The following PARD3B variants were observed in gnomAD, a reference collection of about 807,000 sequenced individuals.
The protein encoded by PARD3B is partitioning defective 3 homolog B.
PARD3B carries 103 observed loss-of-function variants against 130.2 expected under a neutral mutation model. The ratio of observed to expected loss-of-function variants is 0.79; its 90% CI spans 0.67 to 0.93. The LOEUF is 0.93. Among genes scored for constraint, PARD3B ranks in the 40% least tolerant of loss-of-function variants. The pLI is 0.00. For synonymous variants in PARD3B, 583 were observed against 553.2 expected (o/e 1.05, Z -0.76); for missense variants, 1,609 against 1,499.2 (o/e 1.07, Z -1.21).
At chr2:204,721,455 G>A (rs2038994044) in intron 2 of PARD3B, among the ~76,000 whole-genome samples, 1 of 152,088 alleles carries the variant, frequency 6.6e-6, no homozygotes, top group Non-Finnish European at 1.5e-5. Context: ...TGCCATGTAG[G>A]AAAGTGGACT....
intron 2 of PARD3B, among the ~76,000 whole-genome samples, chr2:204,851,882 G>A (rs1362063403): frequency 2.0e-5 from 3 of 151,912 alleles, no homozygotes; most frequent in Admixed American, 6.6e-5. Context: ...TAGTAGAGAC[G>A]GGGTTTCACC....
chr2:204,940,047 T>A lies in PARD3B; in HGVS notation c.223-25105T>A, dbSNP rs143582000. 3.0e-3 allele frequency among the ~76,000 whole-genome samples: 461 copies of A among 152,352 alleles called. 4 individuals carry two copies. The highest frequency in any genetic ancestry group is 0.01 in the African/African-American group (429 of 41,598). ...AAGATAAGCATTGCTTTCACAATGA[T>A]CCTTTTGGAAAAATATTCATAAGAG... is the stretch of plus-strand genomic sequence containing the variant. On this transcript the variant is annotated intron_variant, in intron 2 of 22. Transcript: ENST00000406610.
intron 18 of PARD3B, among the ~76,000 whole-genome samples, chr2:205,361,475 C>A (rs115427687): frequency 2.8e-3 from 424 of 152,292 alleles, no homozygotes; most frequent in African/African-American, 9.9e-3. Context: ...CTAACCCCAC[C>A]CTTTTATAGC....
intron 19 of PARD3B, among the ~76,000 whole-genome samples, chr2:205,424,131 C>T (rs909880310): frequency 2.6e-5 from 4 of 152,056 alleles, no homozygotes; most frequent in African/African-American, 9.7e-5. Context: ...TTTTGCTGAC[C>T]TGTTTAAAGC....
Position 204,729,817 on chromosome 2 carries a change from C to A in PARD3B, c.222+43535C>A, listed in dbSNP as rs937663316. Among the ~76,000 whole-genome samples the A allele has an allele frequency of 5.3e-5, 8 of 151,944 alleles. No homozygotes were observed. The South Asian group carries it at 1.5e-3, about 28-fold the overall frequency. On this transcript the variant is annotated intron_variant, in intron 2 of 22. Transcript: ENST00000406610. ...TTGGACAATTTAACCCTTTTGATAA[C>A]CCATATTTTAAAAAAAAATTTTTTG...
chr2:204,918,013 C>A (rs939117874), intron 2 of PARD3B, among the ~76,000 whole-genome samples: 13 of 152,068 alleles, frequency 8.5e-5, no homozygotes, highest in Non-Finnish European at 1.8e-4. Context: ...TTAAAGTTTA[C>A]AAAATTAAGA....
chr2:204,893,163 T>C (rs535056770), intron 2 of PARD3B, among the ~76,000 whole-genome samples: 6 of 152,026 alleles, frequency 3.9e-5, no homozygotes, highest in Non-Finnish European at 7.4e-5. Flanking sequence ...AGCACCCAAA[T>C]GAAGAAAGTA....
chr2:204,957,290 G>A (rs1559298502), intron 2 of PARD3B, among the ~76,000 whole-genome samples: 1 of 152,102 alleles, frequency 6.6e-6, no homozygotes, highest in Non-Finnish European at 1.5e-5. Flanking sequence ...AATATGGGTG[G>A]TTATTTAATA....
chr2:205,427,173 A>G (rs2047173207), intron 19 of PARD3B, among the ~76,000 whole-genome samples: 1 of 152,218 alleles, frequency 6.6e-6, no homozygotes, highest in South Asian at 2.1e-4. Flanking sequence ...GTGGCAATGC[A>G]AAATAAAAGA....
rs1250486215 is a variant in PARD3B, at chr2:205,440,384, A to T, written c.2756A>T (p.His919Leu). 2 of 1,613,856 alleles carry T rather than the reference A, an allele frequency of 1.2e-6. No homozygotes were observed. The highest frequency in any genetic ancestry group is 3.3e-5 in the Admixed American group (2 of 59,996). Residue 919 changes from histidine to leucine, a missense_variant, in exon 20 of 23, where the codon CAT becomes CTT. Transcript: ENST00000406610. This position sits in a 1 kb window ranked among gnomAD's most constrained non-coding sequence, Gnocchi z 4.2. ...GTATTTTTCAGGATTGGAGCAAAAC[A>T]TCAGGAGCTAAGGGAAAAGCAGGCA... ...KEERERIGAK[H>L]QELREKQARG...
chr2:205,208,507 C>G lies in PARD3B; in HGVS notation c.2140+15187C>G, dbSNP rs563271919. On this transcript the variant is annotated intron_variant, in intron 15 of 22. Transcript: ENST00000406610. Reference sequence around the variant, plus strand: ...GCCAAAATCTCCTTAAGCTGATAAGCAACTTCAGCAAAGTCTCAGGATACA... The same window carrying G: ...GCCAAAATCTCCTTAAGCTGATAAGGAACTTCAGCAAAGTCTCAGGATACA... Among the ~76,000 whole-genome samples the G allele has an allele frequency of 4.0e-3, 582 of 145,194 alleles. 26 individuals carry two copies. Among genetic ancestry groups the G allele is most frequent in the African/African-American group, 0.012 (467 of 37,424 alleles).
chr2:205,118,227 A>T (rs1310422402), intron 6 of PARD3B, among the ~76,000 whole-genome samples: 2 of 152,084 alleles, frequency 1.3e-5, no homozygotes, highest in African/African-American at 4.8e-5. Flanking sequence ...CTGGTCTCCC[A>T]TCTAGTTAGC....
Position 205,300,110 on chromosome 2 carries a change from T to A in PARD3B, c.2186-420T>A, listed in dbSNP as rs1325977564. Among the ~76,000 whole-genome samples, 1 of 152,098 alleles carries A rather than the reference T, an allele frequency of 6.6e-6. No individual in the cohort carries two copies. The highest frequency in any genetic ancestry group is 1.5e-5 in the Non-Finnish European group (1 of 68,010). ...GAAGAGAAGCTCTCGTCATGTTAGGTGCTTGGTATGTTTGTGTGTGTGTCT... is the reference window on the plus strand; with the variant it reads ...GAAGAGAAGCTCTCGTCATGTTAGGAGCTTGGTATGTTTGTGTGTGTGTCT... On this transcript the variant is annotated intron_variant, in intron 16 of 22. Transcript: ENST00000406610. The surrounding 1 kb of genome is among the most constrained non-coding windows in gnomAD (Gnocchi z 4.1).
chr2:205,577,795 G>T (rs1490261231), intron 22 of PARD3B, among the ~76,000 whole-genome samples: 1 of 152,164 alleles, frequency 6.6e-6, no homozygotes, highest in African/African-American at 2.4e-5. Context: ...ATGGTTCAAT[G>T]CAGTTGGTTT....
intron 2 of PARD3B, among the ~76,000 whole-genome samples, chr2:204,895,430 T>TA (rs1198608977): frequency 6.6e-6 from 1 of 152,126 alleles, no homozygotes; most frequent in East Asian, 1.9e-4. Context: ...AAACTGATGT[T>TA]ATAACCCAGC....
chr2:205,512,761 C>G (rs75879622), intron 21 of PARD3B, among the ~76,000 whole-genome samples: 6,041 of 152,088 alleles, frequency 0.04, 160 homozygotes, highest in Middle Eastern at 0.054. Context: ...TTTACAGAAA[C>G]AGAAGGAAAT....
intron 2 of PARD3B, among the ~76,000 whole-genome samples, chr2:204,877,582 TTCTTACTGTCCCTCTAC>T (rs1030653600): frequency 1.3e-4 from 20 of 152,088 alleles, no homozygotes; most frequent in African/African-American, 4.1e-4. Context: ...ATATTAATAA[TTCTTACTGTCCCTCTAC>T]TCTTACTGTC....
intron 1 of PARD3B, among the ~76,000 whole-genome samples, chr2:204,561,575 A>G (rs989957636): frequency 1.3e-5 from 2 of 149,082 alleles, no homozygotes; most frequent in South Asian, 2.1e-4. Context: ...CTCTAGCCCT[A>G]TGTACTCATC....
chr2:204,659,853 A>G (rs1478819816), intron 1 of PARD3B, among the ~76,000 whole-genome samples: 2 of 152,204 alleles, frequency 1.3e-5, no homozygotes, highest in Non-Finnish European at 1.5e-5. Flanking sequence ...TACAAAAATT[A>G]TGATACAACT....
Sources: gnomAD v4.1 joint callset for allele counts (sites outside exome capture counted in the v4.1 genomes callset) on GRCh38, gnomAD v4.1.1 for gene constraint, Gnocchi (gnomAD v3.1) non-coding constraint, MANE v1.5 for transcripts, NCBI Gene and HGNC (gene_info 2026-07-23, HGNC 2026-07-21) for gene names.